The following TASP1 variants were observed in gnomAD, a reference collection of about 807,000 sequenced individuals.
TASP1 encodes the protein taspase 1.
Under a neutral mutation model 56.6 loss-of-function variants are expected in TASP1, and 16 were observed. That is an observed-to-expected ratio of 0.28 (90% CI 0.19 to 0.43). The LOEUF is 0.43. Among genes scored for constraint, TASP1 ranks in the 20% least tolerant of loss-of-function variants. The probability of loss-of-function intolerance (pLI) is 1.00; values close to 1 mark genes in which losing one functional copy is unlikely to be tolerated. For synonymous variants in TASP1, 179 were observed against 184.2 expected (o/e 0.97, Z 0.23); for missense variants, 393 against 511.6 (o/e 0.77, Z 2.24).
In TASP1 at chr20:13,593,530, C is replaced by T. The variant is rs193211733; in HGVS notation, c.283-6160G>A. Among the ~76,000 whole-genome samples the T allele has an allele frequency of 2.9e-3, 445 of 152,308 alleles. 1 individual carries two copies. The highest frequency in any genetic ancestry group is 5.2e-3 in the Non-Finnish European group (355 of 68,024). On this transcript the variant is annotated intron_variant, in intron 4 of 13. Transcript: ENST00000337743. ...GTGCTTTTCCCATGGTCTTAGCAGC[C>T]GGCAGACCAGGAGATTCTCTCCCAT... is the stretch of plus-strand genomic sequence containing the variant.
the TASP1 span, among the ~76,000 whole-genome samples, chr20:13,112,781 C>T: frequency 6.6e-6 from 1 of 152,290 alleles, no homozygotes; most frequent in African/African-American, 2.4e-5. Context: ...TTGGGGGCTT[C>T]AATTTCCTCA....
chr20:13,322,601 T>A, the TASP1 span, among the ~76,000 whole-genome samples: 1 of 152,120 alleles, frequency 6.6e-6, no homozygotes, highest in Non-Finnish European at 1.5e-5. Flanking sequence ...CAGGATCCCT[T>A]TTCCTGCTCA....
At chr20:13,299,310 T>C in the TASP1 span, 10 of 1,613,840 alleles carry the variant, frequency 6.2e-6, no homozygotes, top group East Asian at 2.2e-4. This position sits in a 1 kb window ranked among gnomAD's most constrained non-coding sequence, Gnocchi z 5.8. Context: ...GGAGCTCCAC[T>C]ACAAGGTGGA....
chr20:13,358,322 C>T, the TASP1 span, among the ~76,000 whole-genome samples: 1 of 152,182 alleles, frequency 6.6e-6, no homozygotes, highest in Non-Finnish European at 1.5e-5. Context: ...TTCACACGGA[C>T]GCGCATGAAA....
the TASP1 span, among the ~76,000 whole-genome samples, chr20:13,354,010 A>G: frequency 6.6e-6 from 1 of 152,362 alleles, no homozygotes; most frequent in African/African-American, 2.4e-5. Context: ...TGAGAAGGTG[A>G]TGCATCTATG....
intron 10 of TASP1, among the ~76,000 whole-genome samples, chr20:13,493,311 A>G (rs2043605601): frequency 6.6e-6 from 1 of 152,128 alleles, no homozygotes; most frequent in Non-Finnish European, 1.5e-5. Context: ...CTGCCAGAGG[A>G]GACTGACATT....
the TASP1 span, chr20:13,299,452 A>T: frequency 6.3e-7 from 1 of 1,595,286 alleles, no homozygotes. This position sits in a 1 kb window ranked among gnomAD's most constrained non-coding sequence, Gnocchi z 5.8. Flanking sequence ...GAGGCCAGGG[A>T]ATATTAAAGA....
chr20:13,488,830 T>C (rs1312626027), intron 10 of TASP1, among the ~76,000 whole-genome samples: 1 of 152,094 alleles, frequency 6.6e-6, no homozygotes. Context: ...CTGCCATCCA[T>C]TAATTCTGCT....
At chr20:13,586,269 C>G (rs1040888222) in intron 5 of TASP1, among the ~76,000 whole-genome samples, 3 of 150,776 alleles carry the variant, frequency 2.0e-5, no homozygotes, top group Non-Finnish European at 4.4e-5. Flanking sequence ...AAGTAAAAAG[C>G]TAGAAATTTC....
rs377760059 is a variant in TASP1 at position 13,565,547 on chromosome 20, C to A, written c.568+3960G>T. 2.1e-4 allele frequency among the ~76,000 whole-genome samples: 32 copies of A among 152,154 alleles called. No individual in the cohort carries two copies. In the South Asian group the frequency reaches 5.8e-3, roughly 28 times the overall value. ...AGGCAAAGGACTAGGATATATATTT[C>A]TCTAAGAAAGATATAAAAATGGCCA... On this transcript the variant is annotated intron_variant, in intron 7 of 13. Transcript: ENST00000337743.
At chr20:13,344,430 C>T in the TASP1 span, among the ~76,000 whole-genome samples, 1 of 152,018 alleles carries the variant, frequency 6.6e-6, no homozygotes, top group East Asian at 1.9e-4. Flanking sequence ...GGGAGGGTGT[C>T]TACATAATGG....
the TASP1 span, among the ~76,000 whole-genome samples, chr20:13,203,979 C>T: frequency 6.6e-6 from 1 of 152,174 alleles, no homozygotes; most frequent in African/African-American, 2.4e-5. Context: ...AGTGTTTGTC[C>T]AAATGCTTGT....
chr20:13,474,239 G>A (rs910497088), intron 11 of TASP1, among the ~76,000 whole-genome samples: 17 of 152,086 alleles, frequency 1.1e-4, no homozygotes, highest in African/African-American at 4.1e-4. Context: ...TGTCACCTGA[G>A]CGGTATATAC....
chr20:13,350,273 A>T, the TASP1 span, among the ~76,000 whole-genome samples: 1 of 152,234 alleles, frequency 6.6e-6, no homozygotes, highest in African/African-American at 2.4e-5. Flanking sequence ...GCATCCATGG[A>T]CTGGAAGACT....
the TASP1 span, among the ~76,000 whole-genome samples, chr20:13,221,556 G>A: frequency 3.0e-4 from 43 of 144,416 alleles, no homozygotes; most frequent in African/African-American, 1.0e-3. Flanking sequence ...CCGTGGTGCG[G>A]CGGCGGCGGC....
Position 13,557,572 on chromosome 20 carries a change from G to GTTT in TASP1, c.675+1433_675+1435dup, listed in dbSNP as rs972801507. On this transcript the variant is annotated intron_variant, in intron 8 of 13. Coordinates refer to ENST00000337743, the MANE Select transcript of TASP1 (RefSeq NM_017714.3). ...TGCAAATTTTATTACGATGTTTTTG[G>GTTT]TTTTTTTTTTTTTTTTTTTTTTTTT... 1.3e-3 allele frequency among the ~76,000 whole-genome samples: 130 copies of GTTT among 99,750 alleles called. 11 individuals carry two copies. Among genetic ancestry groups the GTTT allele is most frequent in the African/African-American group, 3.9e-3 (95 of 24,514 alleles). 65.4% of individuals were successfully genotyped at this position (99,750 alleles called of 152,430 possible).
intron 4 of TASP1, among the ~76,000 whole-genome samples, chr20:13,595,434 T>C (rs1050703258): frequency 2.0e-5 from 3 of 152,032 alleles, no homozygotes; most frequent in South Asian, 2.1e-4. Flanking sequence ...GACTGGCAAA[T>C]TGTATAAAGA....
At chr20:13,153,578 T>C in the TASP1 span, among the ~76,000 whole-genome samples, 2 of 152,154 alleles carry the variant, frequency 1.3e-5, no homozygotes, top group African/African-American at 4.8e-5. Context: ...AATGAGCCAA[T>C]TCAGCTTAGC....
chr20:13,138,477 C>A, the TASP1 span, among the ~76,000 whole-genome samples: 9 of 152,266 alleles, frequency 5.9e-5, no homozygotes, highest in Admixed American at 5.9e-4. Context: ...ATGTTAGTCA[C>A]ACACACCCCT....
Sources: gnomAD v4.1 joint callset for allele counts (sites outside exome capture counted in the v4.1 genomes callset) on GRCh38, gnomAD v4.1.1 for gene constraint, Gnocchi (gnomAD v3.1) non-coding constraint, MANE v1.5 for transcripts, NCBI Gene and HGNC (gene_info 2026-07-23, HGNC 2026-07-21) for gene names.